The following DYRK1A variants were observed in gnomAD, a reference collection of about 807,000 sequenced individuals.
The protein encoded by DYRK1A is dual specificity tyrosine-phosphorylation-regulated kinase 1A.
Under a neutral mutation model 79.7 loss-of-function variants are expected in DYRK1A, and 9 were observed. That is an observed-to-expected ratio of 0.11 (90% CI 0.07 to 0.20). DYRK1A has a LOEUF of 0.20. Among genes scored for constraint, DYRK1A ranks in the 10% least tolerant of loss-of-function variants. The probability of loss-of-function intolerance (pLI) is 1.00; values close to 1 mark genes in which losing one functional copy is unlikely to be tolerated. For missense variants in DYRK1A, 622 were observed against 956.0 expected (o/e 0.65, Z 4.61); for synonymous variants, 349 against 329.7 (o/e 1.06, Z -0.63).
chr21:37,409,192 G>A (rs2050200056), intron 1 of DYRK1A, among the ~76,000 whole-genome samples: 1 of 152,150 alleles, frequency 6.6e-6, no homozygotes, highest in African/African-American at 2.4e-5. Flanking sequence ...TGAAAAGGTG[G>A]AGGTAATAGT....
intron 7 of DYRK1A, among the ~76,000 whole-genome samples, chr21:37,491,931 G>C (rs954067072): frequency 6.6e-6 from 1 of 152,184 alleles, no homozygotes; most frequent in Non-Finnish European, 1.5e-5. Flanking sequence ...AAATAGACCT[G>C]CAGTGGTCCT....
At chr21:37,377,102 T>C (rs1223651048) in intron 1 of DYRK1A, among the ~76,000 whole-genome samples, 2 of 152,168 alleles carry the variant, frequency 1.3e-5, no homozygotes, top group Admixed American at 6.5e-5. Flanking sequence ...CACACAGTTT[T>C]GCAACTTAAG....
chr21:37,381,628 A>C (rs2049660175), intron 1 of DYRK1A, among the ~76,000 whole-genome samples: 1 of 152,132 alleles, frequency 6.6e-6, no homozygotes, highest in Non-Finnish European at 1.5e-5. Flanking sequence ...TTTCAGGTGC[A>C]TATCGAATAT....
rs2053910125 is a variant in DYRK1A, at chr21:37,519,143, C to T, written c.*6612C>T. 6.6e-6 allele frequency: 1 copy of T among 152,166 alleles called. No homozygotes were observed. Among genetic ancestry groups the T allele is most frequent in the Non-Finnish European group, 1.5e-5 (1 of 68,016 alleles). 9.4% of individuals were successfully genotyped at this position (152,166 alleles called of 1,614,324 possible). On this transcript the variant is annotated 3_prime_UTR_variant, in exon 12 of 12. Coordinates refer to ENST00000647188, the MANE Select transcript of DYRK1A (RefSeq NM_001347721.2). The stretch of plus-strand genomic sequence containing the variant: ...ATTCATTAATAGCTCTCAGATGTCC[C>T]ATGAGAATGGCACATGTTATTTCCC...
At chr21:37,446,682 T>G (rs1466993456) in intron 2 of DYRK1A, among the ~76,000 whole-genome samples, 1 of 152,052 alleles carries the variant, frequency 6.6e-6, no homozygotes, top group Non-Finnish European at 1.5e-5. Context: ...TGGCTTATCA[T>G]CCCAACTTTA....
At chr21:37,417,724 T>C (rs2050384836) in intron 1 of DYRK1A, among the ~76,000 whole-genome samples, 1 of 151,638 alleles carries the variant, frequency 6.6e-6, no homozygotes, top group South Asian at 2.1e-4. Context: ...TAGATTAATT[T>C]TATGCAGTGA....
rs150498782 is a variant in DYRK1A at position 37,378,826 on chromosome 21, A to G, written c.-77+11198A>G. Among the ~76,000 whole-genome samples, 1,069 of 152,294 alleles carry G rather than the reference A, an allele frequency of 7.0e-3. 13 individuals carry two copies. Among genetic ancestry groups the G allele is most frequent in the African/African-American group, 0.025 (1,026 of 41,564 alleles). On this transcript the variant is annotated intron_variant, in intron 1 of 11. Coordinates refer to ENST00000647188, the MANE Select transcript of DYRK1A (RefSeq NM_001347721.2). Reference sequence around the variant, plus strand: ...TGGCCGTTAACAGTTAGAGGGGTTGACATGTGGAGAGCTAGAAGAGCACAG... The same window carrying G: ...TGGCCGTTAACAGTTAGAGGGGTTGGCATGTGGAGAGCTAGAAGAGCACAG...
intron 2 of DYRK1A, among the ~76,000 whole-genome samples, chr21:37,437,362 C>T (rs1195527829): frequency 1.3e-5 from 2 of 152,042 alleles, no homozygotes; most frequent in Non-Finnish European, 2.9e-5. Flanking sequence ...TCATCTAAAA[C>T]GAGATATGTT....
At chr21:37,413,993 A>G (rs935020534) in intron 1 of DYRK1A, among the ~76,000 whole-genome samples, 10 of 152,176 alleles carry the variant, frequency 6.6e-5, no homozygotes, top group African/African-American at 2.2e-4. Context: ...CTTAAAATGC[A>G]TTTACGTCTT....
At chr21:37,472,931 T>G in intron 3 of DYRK1A, 51 bp downstream of exon 3, 2 of 1,343,974 alleles carry the variant, frequency 1.5e-6, no homozygotes, top group Non-Finnish European at 2.0e-6. Context: ...GTTTATTCCT[T>G]AAAAATGTTG....
rs1022509470 is a variant in DYRK1A, at chr21:37,367,200, A to AGCC, written c.-492_-490dup. 9.3e-5 allele frequency: 14 copies of AGCC among 150,170 alleles called. No individual in the cohort carries two copies. Among genetic ancestry groups the AGCC allele is most frequent in the South Asian group, 2.1e-4 (1 of 4,770 alleles). 9.3% of individuals were successfully genotyped at this position (150,170 alleles called of 1,614,324 possible). A position where few individuals can be genotyped will look rare whatever the true frequency, so the allele number is the denominator to read the frequency against. ...GCGGTTCGGGCTCTCCTGGCGGAGG[A>AGCC]GCCGCCGCCGCCGCCCGGGCCCCGG... On this transcript the variant is annotated 5_prime_UTR_variant, in exon 1 of 12. Coordinates refer to ENST00000647188, the MANE Select transcript of DYRK1A (RefSeq NM_001347721.2).
chr21:37,386,893 A>G (rs2049771558), intron 1 of DYRK1A, among the ~76,000 whole-genome samples: 1 of 152,210 alleles, frequency 6.6e-6, no homozygotes, highest in Admixed American at 6.5e-5. Context: ...TTGTAGCTGG[A>G]TAAGAATGTG....
At position 37,525,354 on chromosome 21, in the gene DYRK1A, AAG is replaced by A. The variant is rs1408256090; in HGVS notation, c.*12828_*12829del. 4 of 152,292 alleles carry A rather than the reference AAG, an allele frequency of 2.6e-5. No individual in the cohort carries two copies. The highest frequency in any genetic ancestry group is 4.8e-5 in the African/African-American group (2 of 41,476). The allele number at this position is 152,292 out of a possible 1,614,324, so 9.4% of individuals were successfully genotyped here. Reference sequence around the variant, plus strand: ...AGGCAAGTCTTAGGTGGCGGCAAGCAAGAGAGTGTGTGCAGGGGAACTGCCCT... The same window carrying A: ...AGGCAAGTCTTAGGTGGCGGCAAGCAAGAGTGTGTGCAGGGGAACTGCCCT... On this transcript the variant is annotated 3_prime_UTR_variant, in exon 12 of 12. Transcript: ENST00000647188.
At chr21:37,403,064 C>T (rs1238321994) in intron 1 of DYRK1A, among the ~76,000 whole-genome samples, 1 of 152,112 alleles carries the variant, frequency 6.6e-6, no homozygotes, top group African/African-American at 2.4e-5. Context: ...TGTCCCTGGC[C>T]TAGATTAGAT....
intron 1 of DYRK1A, chr21:37,368,216 G>C (rs899414353): frequency 6.6e-6 from 1 of 152,136 alleles, no homozygotes; most frequent in Non-Finnish European, 1.5e-5. Context: ...GGCGGGGAGC[G>C]CGAGTGTCCC....
intron 5 of DYRK1A, among the ~76,000 whole-genome samples, chr21:37,482,544 G>T (rs1220440572): frequency 6.6e-6 from 1 of 152,164 alleles, no homozygotes; most frequent in Non-Finnish European, 1.5e-5. Context: ...GGCAGGGCGA[G>T]ATCGCAGGAC....
rs1421025420 is a variant in DYRK1A, at chr21:37,367,427, C to T, written c.-278C>T. The T allele has an allele frequency of 1.3e-5, 2 of 148,718 alleles. No individual in the cohort carries two copies. Among genetic ancestry groups the T allele is most frequent in the African/African-American group, 4.9e-5 (2 of 41,008 alleles). 9.2% of individuals were successfully genotyped at this position (148,718 alleles called of 1,614,324 possible). A position where few individuals can be genotyped will look rare whatever the true frequency, so the allele number is the denominator to read the frequency against. On this transcript the variant is annotated 5_prime_UTR_variant, in exon 1 of 12. Transcript: ENST00000647188. Reference sequence around the variant, plus strand: ...TATTTGCCGGGGAGGGGGCTGTCGCCTCCCCGGCCCCGGGCGCCGCTGGAA... The same window carrying T: ...TATTTGCCGGGGAGGGGGCTGTCGCTTCCCCGGCCCCGGGCGCCGCTGGAA...
chr21:37,502,811 C>G (rs934554631), intron 9 of DYRK1A: 1 of 152,274 alleles, frequency 6.6e-6, no homozygotes, highest in South Asian at 2.1e-4. Flanking sequence ...TAAATTCTCT[C>G]AGCAGGTGTT....
chr21:37,379,328 A>G (rs1003338007), intron 1 of DYRK1A, among the ~76,000 whole-genome samples: 7 of 152,198 alleles, frequency 4.6e-5, no homozygotes, highest in African/African-American at 1.7e-4. Context: ...AAACCTTAAA[A>G]ATATTCTTAA....
Sources: gnomAD v4.1 joint callset for allele counts (sites outside exome capture counted in the v4.1 genomes callset) on GRCh38, gnomAD v4.1.1 for gene constraint, MANE v1.5 for transcripts, NCBI Gene and HGNC (gene_info 2026-07-23, HGNC 2026-07-21) for gene names.